RSU1: variants seen among roughly 807,000 people sequenced by gnomAD.
The protein encoded by RSU1 is Ras suppressor protein 1.
RSU1 carries 26 observed loss-of-function variants against 31.1 expected under a neutral mutation model. The observed-to-expected ratio is 0.84, with a 90% CI of 0.61 to 1.16. The LOEUF (loss-of-function observed/expected upper bound fraction) is 1.16. Among genes scored for constraint, RSU1 ranks in the 50% most tolerant of loss-of-function variants. The pLI is 0.00. For missense variants in RSU1, 320 were observed against 339.1 expected (o/e 0.94, Z 0.44); for synonymous variants, 164 against 136.3 (o/e 1.20, Z -1.41).
At chr10:16,724,538 G>C (rs1836344152) in intron 7 of RSU1, among the ~76,000 whole-genome samples, 1 of 152,214 alleles carries the variant, frequency 6.6e-6, no homozygotes, top group Non-Finnish European at 1.5e-5. Context: ...TAAGATCTGA[G>C]TGAGAACATA....
intron 7 of RSU1, among the ~76,000 whole-genome samples, chr10:16,701,267 A>G (rs1835787591): frequency 6.6e-6 from 1 of 152,262 alleles, no homozygotes; most frequent in Non-Finnish European, 1.5e-5. Context: ...ATTTAAGTAT[A>G]GCCTATTGCA....
chr10:16,684,530 C>A (rs989815674), intron 8 of RSU1, among the ~76,000 whole-genome samples: 7 of 152,104 alleles, frequency 4.6e-5, no homozygotes, highest in African/African-American at 1.7e-4. Flanking sequence ...GAGCTTTGGA[C>A]ACAGAGACAG....
intron 8 of RSU1, among the ~76,000 whole-genome samples, chr10:16,638,403 C>T (rs1834383204): frequency 6.6e-6 from 1 of 152,190 alleles, no homozygotes; most frequent in South Asian, 2.1e-4. Context: ...CCTCAAAAGA[C>T]TTTGCAGAAC....
At chr10:16,620,958 T>G (rs1286617678) in intron 8 of RSU1, among the ~76,000 whole-genome samples, 1 of 152,104 alleles carries the variant, frequency 6.6e-6, no homozygotes, top group Non-Finnish European at 1.5e-5. Context: ...GAAACCAGAA[T>G]AGGTGCAGAG....
At chr10:16,679,464 G>A (rs1835288749) in intron 8 of RSU1, among the ~76,000 whole-genome samples, 1 of 152,120 alleles carries the variant, frequency 6.6e-6, no homozygotes, top group Admixed American at 6.6e-5. Flanking sequence ...ACTAATGAAA[G>A]TAGAGGCCCT....
intron 8 of RSU1, among the ~76,000 whole-genome samples, chr10:16,678,593 T>C (rs891924320): frequency 6.6e-6 from 1 of 152,228 alleles, no homozygotes; most frequent in Admixed American, 6.5e-5. Flanking sequence ...CCACATTCTT[T>C]GTGGTTTCTT....
At chr10:16,613,693 C>T (rs556700132) in intron 8 of RSU1, among the ~76,000 whole-genome samples, 3 of 152,160 alleles carry the variant, frequency 2.0e-5, no homozygotes, top group East Asian at 1.9e-4. Context: ...TGTATTCAGA[C>T]AGGCATGTTG....
chr10:16,681,456 T>C (rs1835326357), intron 8 of RSU1, among the ~76,000 whole-genome samples: 1 of 152,192 alleles, frequency 6.6e-6, no homozygotes, highest in African/African-American at 2.4e-5. Flanking sequence ...TTGGATCCAT[T>C]TTCCCGTAAC....
chr10:16,623,219 T>C (rs952403781), intron 8 of RSU1, among the ~76,000 whole-genome samples: 4 of 152,128 alleles, frequency 2.6e-5, no homozygotes, highest in African/African-American at 9.7e-5. Context: ...TCAGTTTCTA[T>C]GGTTGCCATT....
intron 7 of RSU1, among the ~76,000 whole-genome samples, chr10:16,748,537 G>A (rs1254624348): frequency 6.6e-6 from 1 of 152,218 alleles, no homozygotes; most frequent in Non-Finnish European, 1.5e-5. Context: ...ACATTCTGGT[G>A]ATTAGGACGG....
intron 8 of RSU1, among the ~76,000 whole-genome samples, chr10:16,675,393 T>C (rs1017872612): frequency 5.3e-5 from 8 of 152,172 alleles, no homozygotes; most frequent in Non-Finnish European, 7.3e-5. Context: ...GGCTTTCTAC[T>C]ACTGAGTGGC....
chr10:16,642,310 C>CT (rs1423572636), intron 8 of RSU1, among the ~76,000 whole-genome samples: 2 of 152,142 alleles, frequency 1.3e-5, no homozygotes, highest in African/African-American at 4.8e-5. Context: ...TCCAGAGAAG[C>CT]TGTAGAAAAA....
At chr10:16,666,115 C>T (rs1162346230) in intron 8 of RSU1, among the ~76,000 whole-genome samples, 6 of 152,104 alleles carry the variant, frequency 3.9e-5, no homozygotes, top group Non-Finnish European at 7.4e-5. Context: ...ACCATTTTAT[C>T]TGTGACTATT....
At chr10:16,701,587 G>A (rs749912881) in intron 7 of RSU1, among the ~76,000 whole-genome samples, 8 of 151,576 alleles carry the variant, frequency 5.3e-5, no homozygotes, top group Admixed American at 1.3e-4. Context: ...GCTACTCTTC[G>A]GATCTAGTCG....
At chr10:16,769,047 A>G (rs1837372920) in intron 3 of RSU1, among the ~76,000 whole-genome samples, 1 of 152,208 alleles carries the variant, frequency 6.6e-6, no homozygotes, top group Non-Finnish European at 1.5e-5. Context: ...ATGCACATTC[A>G]CAAAATCAAC....
At chr10:16,614,322 T>C (rs540095193) in intron 8 of RSU1, among the ~76,000 whole-genome samples, 1 of 151,920 alleles carries the variant, frequency 6.6e-6, no homozygotes, top group East Asian at 1.9e-4. Flanking sequence ...GCAATTGAAC[T>C]CATGGAGATA....
intron 2 of RSU1, among the ~76,000 whole-genome samples, chr10:16,783,056 G>A (rs967313692): frequency 1.3e-5 from 2 of 151,830 alleles, no homozygotes; most frequent in Non-Finnish European, 2.9e-5. Flanking sequence ...GATCACAGGT[G>A]CATGCCACCA....
intron 8 of RSU1, among the ~76,000 whole-genome samples, chr10:16,609,095 C>A (rs73601018): frequency 0.031 from 4,740 of 152,274 alleles, 251 homozygotes; most frequent in African/African-American, 0.11. Context: ...GGCCTGAGAC[C>A]TCCTCCTCCT....
rs1201244921 is a variant in RSU1, at chr10:16,595,810, A to AAAAAAAAAAAAAG, written c.732-2315_732-2314insCTTTTTTTTTTTT. 3.6e-4 allele frequency among the ~76,000 whole-genome samples: 54 copies of AAAAAAAAAAAAAG among 151,896 alleles called. 1 individual carries two copies. Among genetic ancestry groups the AAAAAAAAAAAAAG allele is most frequent in the African/African-American group, 1.2e-3 (48 of 41,244 alleles). ...GGTGAAACCCCATCTCTACTAAAAA[A>AAAAAAAAAAAAAG]AAGAAAAAATTAGCTGCGCATAGTG... On this transcript the variant is annotated intron_variant, in intron 8 of 8. Coordinates refer to ENST00000345264, the MANE Select transcript of RSU1 (RefSeq NM_012425.4).
Sources: allele counts gnomAD v4.1 joint callset (sites outside exome capture counted in the v4.1 genomes callset), GRCh38; gene constraint gnomAD v4.1.1; transcripts MANE v1.5; gene names NCBI Gene and HGNC (gene_info 2026-07-23, HGNC 2026-07-21).